TMPRSS9: variants seen among roughly 807,000 people sequenced by gnomAD.
TMPRSS9 encodes the protein transmembrane serine protease 9.
TMPRSS9 carries 113 observed loss-of-function variants against 111.4 expected under a neutral mutation model. The observed-to-expected ratio is 1.01, with a 90% CI of 0.87 to 1.19. The LOEUF (loss-of-function observed/expected upper bound fraction) is 1.19. Ranked by LOEUF, TMPRSS9 falls within the 50% of genes most tolerant of loss-of-function variation. The probability of loss-of-function intolerance (pLI) is 0.00; values close to 1 mark genes in which losing one functional copy is unlikely to be tolerated. For synonymous variants in TMPRSS9, 805 were observed against 659.1 expected, an observed-to-expected ratio of 1.22 and a Z score of -3.39; for missense variants, 1,803 against 1,513.1, an observed-to-expected ratio of 1.19 and a Z score of -3.18.
exon 1 of TMPRSS9, chr19:2,389,896 C>T: frequency 6.2e-7 from 1 of 1,613,184 alleles, no homozygotes; most frequent in Admixed American, 1.7e-5. Context: ...TGGCCACCAG[C>T]CTTGTCGTCC....
At chr19:2,366,533 G>T (rs1456603005) in intron 1 of TMPRSS9, among the ~76,000 whole-genome samples, 1 of 152,140 alleles carries the variant, frequency 6.6e-6, no homozygotes, top group African/African-American at 2.4e-5. Flanking sequence ...GGTGGTTCTG[G>T]CCCATGGTCT....
intron 4 of TMPRSS9, 44 bp downstream of exon 5, chr19:2,399,237 G>T (rs1199590533): frequency 2.0e-6 from 3 of 1,535,800 alleles, no homozygotes; most frequent in African/African-American, 2.8e-5. Flanking sequence ...GAGGAGGCTG[G>T]AGTGGGGCAG....
chr19:2,371,462 G>A (rs148110118), intron 1 of TMPRSS9, among the ~76,000 whole-genome samples: 4,983 of 152,208 alleles, frequency 0.033, 301 homozygotes, highest in African/African-American at 0.11. Context: ...TGAGGCAGGC[G>A]GATTGCCTGA....
At chr19:2,371,306 TG>T (rs1970288766) in intron 1 of TMPRSS9, among the ~76,000 whole-genome samples, 1 of 152,146 alleles carries the variant, frequency 6.6e-6, no homozygotes, top group South Asian at 2.1e-4. Flanking sequence ...AGTCCCTCCT[TG>T]GGGGCCCCCA....
chr19:2,410,903 A>G (rs886785775), intron 9 of TMPRSS9, among the ~76,000 whole-genome samples: 2 of 152,120 alleles, frequency 1.3e-5, no homozygotes, highest in African/African-American at 2.4e-5. Context: ...CCTGGGCATC[A>G]GATTCTCTCC....
At chr19:2,408,669 G>C in intron 8 of TMPRSS9, 39 bp downstream of exon 9, 1 of 1,585,676 alleles carries the variant, frequency 6.3e-7, no homozygotes, top group Non-Finnish European at 8.6e-7. Context: ...GCTCAGGCAG[G>C]CAGGCGGGCA....
At chr19:2,363,807 TGCGCGC>T (rs1269194641) in intron 1 of TMPRSS9, among the ~76,000 whole-genome samples, 1 of 105,976 alleles carries the variant, frequency 9.4e-6, no homozygotes, top group African/African-American at 4.7e-5. Context: ...TGTGTGTGCG[TGCGCGC>T]GTGTGTGTGT....
rs1414341416 is a variant in TMPRSS9, at chr19:2,424,186, C to T, written c.2646C>T (p.Arg882=). Residue 882 remains arginine, a synonymous_variant, in exon 15 of 18, where the codon CGC becomes CGT. Coordinates refer to ENST00000648592, the Ensembl canonical transcript of TMPRSS9. ...GGCAGGTGAGCCTGTGGCTGCGGCG[C>T]CGGGAACACCGTTGCGGGGCCGTGC... is the stretch of plus-strand genomic sequence containing the variant. 2.1e-6 allele frequency: 3 copies of T among 1,461,382 alleles called. No individual in the cohort carries two copies. In the African/African-American group the frequency reaches 4.4e-5, roughly 21 times the overall value. 90.5% of individuals were successfully genotyped at this position (1,461,382 alleles called of 1,614,324 possible). A position where few individuals can be genotyped will look rare whatever the true frequency, so the allele number is the denominator to read the frequency against.
At chr19:2,390,595 C>A (rs549292199) in intron 1 of TMPRSS9, among the ~76,000 whole-genome samples, 1 of 151,328 alleles carries the variant, frequency 6.6e-6, no homozygotes, top group Non-Finnish European at 1.5e-5. Context: ...GTGGCTCCCG[C>A]CTGTAATCCC....
At chr19:2,416,740 G>A in exon 12 of TMPRSS9, 2 of 1,613,060 alleles carry the variant, frequency 1.2e-6, no homozygotes, top group Non-Finnish European at 1.7e-6. Flanking sequence ...CCTGCCCCTG[G>A]CCATCCAGAA....
At chr19:2,402,992 T>A in intron 5 of TMPRSS9, 90 bp from the exon 7 acceptor site, 7 of 893,210 alleles carry the variant, frequency 7.8e-6, no homozygotes, top group Non-Finnish European at 1.1e-5. Flanking sequence ...CACATTTCCG[T>A]ACCCTGGTGG....
At chr19:2,403,319 G>T in intron 6 of TMPRSS9, 124 bp downstream of exon 7, 1 of 800,568 alleles carries the variant, frequency 1.2e-6, no homozygotes, top group South Asian at 1.6e-5. Context: ...TATGGGGGCT[G>T]GGCAGAGAAA....
At chr19:2,362,348 G>A (rs946461540) in intron 1 of TMPRSS9, among the ~76,000 whole-genome samples, 11 of 151,888 alleles carry the variant, frequency 7.2e-5, no homozygotes, top group African/African-American at 1.5e-4. Context: ...GTGGTTGTGC[G>A]AGATTGTGTG....
chr19:2,385,102 C>T (rs1010844256), upstream of TMPRSS9, among the ~76,000 whole-genome samples: 2 of 150,830 alleles, frequency 1.3e-5, no homozygotes, highest in Non-Finnish European at 3.0e-5. Flanking sequence ...GCTACCTTGG[C>T]CCATCCATTG....
intron 13 of TMPRSS9, among the ~76,000 whole-genome samples, chr19:2,421,445 C>A (rs1459322585): frequency 6.6e-6 from 1 of 151,654 alleles, no homozygotes; most frequent in Admixed American, 6.6e-5. Flanking sequence ...CCCACCACCA[C>A]GCCCAGCTAA....
intron 12 of TMPRSS9, 79 bp downstream of exon 13, chr19:2,416,888 T>G: frequency 3.1e-5 from 46 of 1,482,786 alleles, no homozygotes; most frequent in Non-Finnish European, 3.5e-5. Flanking sequence ...TGGGCATCTC[T>G]TACCTGGACC....
At chr19:2,397,276 C>G (rs546632130) in intron 2 of TMPRSS9, among the ~76,000 whole-genome samples, 2 of 151,838 alleles carry the variant, frequency 1.3e-5, no homozygotes, top group Non-Finnish European at 2.9e-5. Flanking sequence ...CCCTCATGCA[C>G]AGCTGGGGGA....
chr19:2,420,834 T>C (rs2145412104), intron 13 of TMPRSS9, among the ~76,000 whole-genome samples: 1 of 152,330 alleles, frequency 6.6e-6, no homozygotes, highest in African/African-American at 2.4e-5. Context: ...GAATAATAGG[T>C]ATTTATAGTA....
At chr19:2,422,759 G>A (rs1277788336) in intron 14 of TMPRSS9, among the ~76,000 whole-genome samples, 1 of 152,124 alleles carries the variant, frequency 6.6e-6, no homozygotes, top group Admixed American at 6.5e-5. Flanking sequence ...ATGGTGACAG[G>A]TGCCTGTAAT....
Sources: allele counts gnomAD v4.1 joint callset (sites outside exome capture counted in the v4.1 genomes callset), GRCh38; gene constraint gnomAD v4.1.1; transcripts MANE v1.5; gene names NCBI Gene and HGNC (gene_info 2026-07-23, HGNC 2026-07-21).